Variants in SGCG observed in about 807,000 individuals in gnomAD.
SGCG encodes the protein gamma-sarcoglycan.
A neutral mutation model predicts 29.3 loss-of-function variants in SGCG; 26 were observed. The ratio of observed to expected loss-of-function variants is 0.89; its 90% CI spans 0.65 to 1.23. The LOEUF (loss-of-function observed/expected upper bound fraction) is 1.23. Ranked by LOEUF, SGCG falls within the 50% of genes most tolerant of loss-of-function variation. The pLI is 0.00. For synonymous variants in SGCG, 145 were observed against 129.7 expected (o/e 1.12, Z -0.80); for missense variants, 353 against 356.0 (o/e 0.99, Z 0.07).
At chr13:23,164,179 G>A in the SGCG span, among the ~76,000 whole-genome samples, 1 of 152,036 alleles carries the variant, frequency 6.6e-6, no homozygotes, top group African/African-American at 2.4e-5. Context: ...CCAAAAATAT[G>A]TATTATTTGT....
At chr13:23,221,998 T>C (rs6490785) in intron 2 of SGCG, among the ~76,000 whole-genome samples, 116,926 of 151,646 alleles carry the variant, frequency 0.77, 45,255 homozygotes, top group East Asian at 0.92. Context: ...AAGGAGGGAT[T>C]GCTGAAGTGG....
intron 2 of SGCG, among the ~76,000 whole-genome samples, chr13:23,215,013 A>G (rs1459969679): frequency 1.3e-5 from 2 of 152,206 alleles, no homozygotes; most frequent in Non-Finnish European, 2.9e-5. Context: ...AAATAGCACT[A>G]TAGTTTTAAT....
chr13:23,206,135 A>C (rs1877973241), intron 2 of SGCG, among the ~76,000 whole-genome samples: 1 of 152,238 alleles, frequency 6.6e-6, no homozygotes, highest in African/African-American at 2.4e-5. Context: ...TTAAAATACA[A>C]GATTTCATGT....
At chr13:23,298,035 G>A (rs1027748791) in intron 6 of SGCG, among the ~76,000 whole-genome samples, 4 of 148,838 alleles carry the variant, frequency 2.7e-5, no homozygotes, top group African/African-American at 9.8e-5. Flanking sequence ...ATGAGCCACC[G>A]CGGCCAGCCA....
At chr13:23,264,473 G>A (rs184557929) in intron 4 of SGCG, among the ~76,000 whole-genome samples, 1 of 152,182 alleles carries the variant, frequency 6.6e-6, no homozygotes, top group Non-Finnish European at 1.5e-5. Flanking sequence ...TGTATTAGAA[G>A]AATCAATATT....
intron 7 of SGCG, 34 bp from the exon 8 acceptor site, chr13:23,324,334 C>CT: frequency 6.2e-7 from 1 of 1,611,414 alleles, no homozygotes; most frequent in Non-Finnish European, 8.5e-7. Flanking sequence ...GTGGCCCTTC[C>CT]TTAACTCTTC....
intron 6 of SGCG, among the ~76,000 whole-genome samples, chr13:23,316,066 CT>C (rs1176452822): frequency 1.3e-5 from 2 of 152,210 alleles, no homozygotes; most frequent in Non-Finnish European, 2.9e-5. Context: ...GCAACATGGA[CT>C]TCCGCTCACC....
chr13:23,279,387 A>G lies in SGCG; in HGVS notation c.414A>G (p.Gln138=), dbSNP rs770596449. The G allele has an allele frequency of 8.3e-5, 134 of 1,613,324 alleles. No homozygotes were observed. Among genetic ancestry groups the G allele is most frequent in the Non-Finnish European group, 1.1e-4 (124 of 1,179,550 alleles). ...CCAAAATGGTAGAAGTCCAGAATCA[A>G]CAGTTTCAGATCAACTCCAACGACG... ...VGPKMVEVQN[Q]QFQINSNDGK... The change falls in exon 5 of 8, where the codon CAA becomes CAG. Residue 138 remains glutamine (Q), a synonymous_variant. Coordinates refer to ENST00000218867, the MANE Select transcript of SGCG (RefSeq NM_000231.3).
At chr13:23,234,487 G>T (rs199942597) in intron 2 of SGCG, 124 bp from the exon 3 acceptor site, 1 of 571,250 alleles carries the variant, frequency 1.8e-6, no homozygotes, top group Non-Finnish European at 3.1e-6. Context: ...AAATACACTA[G>T]GAGAAATGCA....
the SGCG span, among the ~76,000 whole-genome samples, chr13:23,171,433 T>C: frequency 4.3e-4 from 66 of 152,320 alleles, 2 homozygotes; most frequent in East Asian, 0.012. Context: ...ATTTTTGTTA[T>C]CTCTAAGGAA....
chr13:23,260,178 T>C (rs988096961), intron 4 of SGCG, among the ~76,000 whole-genome samples: 2 of 152,202 alleles, frequency 1.3e-5, no homozygotes, highest in African/African-American at 2.4e-5. Flanking sequence ...TGTGGGAGTC[T>C]AAGTCTCTTT....
At chr13:23,323,562 G>A (rs1883125648) in intron 7 of SGCG, among the ~76,000 whole-genome samples, 2 of 152,202 alleles carry the variant, frequency 1.3e-5, no homozygotes, top group South Asian at 4.1e-4. Context: ...TTGGCTGCTG[G>A]ATGTGACGAT....
In SGCG at chr13:23,203,346, T is replaced by C. The variant is rs546383277; in HGVS notation, c.1-349T>C. Among the ~76,000 whole-genome samples the C allele has an allele frequency of 2.0e-5, 3 of 151,980 alleles. No homozygotes were observed. In the East Asian group the frequency reaches 5.8e-4, roughly 29 times the overall value. On this transcript the variant is annotated intron_variant, in intron 1 of 7. Transcript: ENST00000218867. ...ACTCGGTAACTTGATTATTTTAGGT[T>C]AATGTTTCAATTCCAAGTTTAACCC...
intron 1 of SGCG, among the ~76,000 whole-genome samples, chr13:23,186,638 C>T: frequency 6.6e-6 from 1 of 152,198 alleles, no homozygotes; most frequent in East Asian, 1.9e-4. Context: ...GAACTGCATT[C>T]TGAAGTATCC....
Position 23,224,685 on chromosome 13 carries a change from A to ACACACACACACC in SGCG, c.196-9923_196-9922insACACACACCCAC, listed in dbSNP as rs1464668127. ...ACACATACACACACACACACACCCC[A>ACACACACACACC]CACCAGTGCAAGCACTGCTAACTAG... On this transcript the variant is annotated intron_variant, in intron 2 of 7. Coordinates refer to ENST00000218867, the MANE Select transcript of SGCG (RefSeq NM_000231.3). Among the ~76,000 whole-genome samples, 232 of 58,558 alleles carry ACACACACACACC rather than the reference A, an allele frequency of 4.0e-3. 1 individual carries two copies. The highest frequency in any genetic ancestry group is 6.3e-3 in the Non-Finnish European group (183 of 29,116). 38.4% of individuals were successfully genotyped at this position (58,558 alleles called of 152,430 possible).
chr13:23,284,643 C>T (rs1881430021), intron 5 of SGCG, among the ~76,000 whole-genome samples: 1 of 152,158 alleles, frequency 6.6e-6, no homozygotes, highest in African/African-American at 2.4e-5. Context: ...CAGTTTTGTT[C>T]CCTTGCTGGC....
intron 1 of SGCG, among the ~76,000 whole-genome samples, chr13:23,197,390 T>A (rs192123096): frequency 6.6e-6 from 1 of 152,334 alleles, no homozygotes; most frequent in African/African-American, 2.4e-5. Context: ...CTAGGTGACA[T>A]GGCTTATGAA....
chr13:23,190,922 T>C (rs1382093100), intron 1 of SGCG, among the ~76,000 whole-genome samples: 1 of 152,218 alleles, frequency 6.6e-6, no homozygotes, highest in African/African-American at 2.4e-5. Context: ...GAAAACTATA[T>C]TTGGTGAAAC....
intron 5 of SGCG, among the ~76,000 whole-genome samples, chr13:23,288,998 G>T (rs17316242): frequency 0.085 from 12,902 of 152,276 alleles, 715 homozygotes; most frequent in South Asian, 0.14. Flanking sequence ...AAAAGTGATA[G>T]TGTAGAAATG....
Sources: gnomAD v4.1 joint callset for allele counts (sites outside exome capture counted in the v4.1 genomes callset) on GRCh38, gnomAD v4.1.1 for gene constraint, MANE v1.5 for transcripts, NCBI Gene and HGNC (gene_info 2026-07-23, HGNC 2026-07-21) for gene names.